Variants in CFAP46 observed in about 807,000 individuals in gnomAD.
The protein encoded by CFAP46 is cilia and flagella associated protein 46.
Under a neutral mutation model 325.7 loss-of-function variants are expected in CFAP46, and 245 were observed. The ratio of observed to expected loss-of-function variants is 0.75; its 90% CI spans 0.68 to 0.84. The LOEUF (loss-of-function observed/expected upper bound fraction) is 0.84, where lower values mean the gene tolerates loss of function less well. Among genes scored for constraint, CFAP46 ranks in the 40% least tolerant of loss-of-function variants. The probability of loss-of-function intolerance (pLI) is 0.00; values close to 1 mark genes in which losing one functional copy is unlikely to be tolerated. For missense variants in CFAP46, 3,346 were observed against 3,543.0 expected (o/e 0.94, Z 1.41); for synonymous variants, 1,523 against 1,495.9 (o/e 1.02, Z -0.42).
intron 39 of CFAP46, among the ~76,000 whole-genome samples, chr10:132,853,201 T>A (rs145124020): frequency 6.6e-6 from 1 of 152,218 alleles, no homozygotes; most frequent in East Asian, 1.9e-4. Flanking sequence ...TAGATGTCCT[T>A]TATCAGGTTG....
intron 32 of CFAP46, among the ~76,000 whole-genome samples, chr10:132,871,768 A>AC (rs1848898251): frequency 6.6e-6 from 1 of 152,340 alleles, no homozygotes; most frequent in South Asian, 2.1e-4. Context: ...GATGCTGTGA[A>AC]CACTGTGGAA....
At position 132,815,951 on chromosome 10, in the gene CFAP46, ACATGATCTGTTTCTTGAC is replaced by A. The variant is rs1847685435; in HGVS notation, c.7118-1055_7118-1038del. ...TACTGGGGAGATTTATCTAACACTG[ACATGATCTGTTTCTTGAC>A]AGTCTGGCAGAATTCAGTGAAAACA... On this transcript the variant is annotated intron_variant, in intron 50 of 57. Coordinates refer to ENST00000368586, the MANE Select transcript of CFAP46 (RefSeq NM_001200049.3). 5.9e-5 allele frequency among the ~76,000 whole-genome samples: 9 copies of A among 152,356 alleles called. No individual in the cohort carries two copies. The South Asian group carries it at 1.9e-3, about 32-fold the overall frequency.
At chr10:132,812,972 G>A in intron 54 of CFAP46, 75 bp from the exon 55 acceptor site, 1 of 1,170,560 alleles carries the variant, frequency 8.5e-7, no homozygotes, top group Non-Finnish European at 1.2e-6. Context: ...TCTTAAAGCA[G>A]GCCACATCCT....
In CFAP46 at chr10:132,885,928, C is replaced by G. The variant is rs775563797; in HGVS notation, c.3336G>C (p.Ala1112=). ...GAEDDLALRA[A]LYGLLFHSHA... ...GGCTGTGGAAGAGCAGGCCGTAGAG[C>G]GCAGCACGGAGCGCCAGGTCGTCCT... Residue 1112 remains alanine, a synonymous_variant, in exon 26 of 58, where the codon GCG becomes GCC. Transcript: ENST00000368586. The G allele has an allele frequency of 2.7e-5, 42 of 1,550,116 alleles. No homozygotes were observed. The highest frequency in any genetic ancestry group is 3.5e-5 in the Non-Finnish European group (40 of 1,146,846).
chr10:132,861,284 G>A (rs150670271), intron 35 of CFAP46, among the ~76,000 whole-genome samples: 150 of 152,274 alleles, frequency 9.9e-4, no homozygotes, highest in African/African-American at 3.0e-3. Context: ...GCTGCAGCGC[G>A]CATGACTGTA....
At chr10:132,858,948 G>A in intron 38 of CFAP46, 123 bp downstream of exon 38, 2 of 979,802 alleles carry the variant, frequency 2.0e-6, no homozygotes, top group Non-Finnish European at 3.0e-6. Context: ...CCAGGGGAGG[G>A]TCCTGTGGAC....
chr10:132,915,562 C>T (rs569108478), intron 17 of CFAP46, among the ~76,000 whole-genome samples: 62 of 151,824 alleles, frequency 4.1e-4, no homozygotes, highest in African/African-American at 1.4e-3. Flanking sequence ...GGGCGCCGTG[C>T]CCAGCTTCTG....
intron 7 of CFAP46, among the ~76,000 whole-genome samples, chr10:132,935,975 CAT>C (rs1564806349): frequency 4.0e-5 from 3 of 74,302 alleles, no homozygotes; most frequent in Non-Finnish European, 5.7e-5. Flanking sequence ...ACTCCCCTCA[CAT>C]CCAAACACAC....
At chr10:132,858,179 C>T (rs1052746323) in intron 38 of CFAP46, among the ~76,000 whole-genome samples, 1 of 151,862 alleles carries the variant, frequency 6.6e-6, no homozygotes, top group South Asian at 2.1e-4. Context: ...TCTACACGCC[C>T]GCACTGGGCC....
At chr10:132,927,256 C>T (rs1316705285) in intron 9 of CFAP46, among the ~76,000 whole-genome samples, 3 of 152,234 alleles carry the variant, frequency 2.0e-5, no homozygotes, top group Non-Finnish European at 2.9e-5. Context: ...TGAGCGCAGG[C>T]GCTGATGATG....
intron 32 of CFAP46, chr10:132,872,446 A>G (rs1240059300): frequency 3.8e-6 from 2 of 522,346 alleles, no homozygotes; most frequent in African/African-American, 1.9e-5. Flanking sequence ...TTTTGTAGAG[A>G]TGGGGTCTTG....
chr10:132,860,988 G>C lies in CFAP46; in HGVS notation c.4891-6C>G, dbSNP rs930061202. 6.4e-7 allele frequency: 1 copy of C among 1,550,508 alleles called. No homozygotes were observed. Among genetic ancestry groups the C allele is most frequent in the Non-Finnish European group, 8.7e-7 (1 of 1,147,012 alleles). ...GCACAAGGCTCATCCAGCTCCTGAA[G>C]GAGAGAAACTCAGACATGCTTGGGT... is the stretch of plus-strand genomic sequence containing the variant. On this transcript the variant is annotated splice_polypyrimidine_tract_variant and splice_region_variant and intron_variant, in intron 35 of 57. Transcript: ENST00000368586.
chr10:132,851,257 G>A lies in CFAP46; in HGVS notation c.5623C>T (p.Leu1875Phe). The A allele has an allele frequency of 6.2e-7, 1 of 1,614,046 alleles. No homozygotes were observed. The highest frequency in any genetic ancestry group is 8.5e-7 in the Non-Finnish European group (1 of 1,180,048). The change falls in exon 40 of 58, where the codon CTC becomes TTC. Residue 1875 changes from leucine (L) to phenylalanine (F), a missense_variant. Physicochemically the swap from Leu to Phe is conservative, Grantham distance 22. Coordinates refer to ENST00000368586, the MANE Select transcript of CFAP46 (RefSeq NM_001200049.3). ...PLMRKLARLK[L>F]GLVEMALDML... ...TCCAGAGCCATTTCCACGAGGCCGA[G>A]CTTGAGGCGCGCCAGCTTCCTCATC...
chr10:132,916,741 T>C lies in CFAP46; in HGVS notation c.1987-59A>G, dbSNP rs1231260539. On this transcript the variant is annotated intron_variant, in intron 16 of 57. Transcript: ENST00000368586. ...GGCGGAGCACGGGCCCAGCACCAGA[T>C]AGGAAACACACACGCCCTTCCCTCA... 4.3e-6 allele frequency: 6 copies of C among 1,404,242 alleles called. No homozygotes were observed. In the East Asian group the frequency reaches 8.8e-5, roughly 21 times the overall value. 87.0% of individuals were successfully genotyped at this position (1,404,242 alleles called of 1,614,324 possible).
At chr10:132,848,443 G>A in intron 41 of CFAP46, among the ~76,000 whole-genome samples, 1 of 151,988 alleles carries the variant, frequency 6.6e-6, no homozygotes, top group East Asian at 1.9e-4. Context: ...GGGGAGGGAG[G>A]GCAGCAGAGA....
At chr10:132,909,393 CTG>C (rs1457409540) in intron 20 of CFAP46, 149 bp from the exon 21 acceptor site, 10 of 634,690 alleles carry the variant, frequency 1.6e-5, no homozygotes, top group Non-Finnish European at 2.8e-5. Flanking sequence ...GTTTTTGTAA[CTG>C]TTGACCTGCA....
At chr10:132,846,799 C>A in intron 43 of CFAP46, 133 bp downstream of exon 43, 1 of 1,141,334 alleles carries the variant, frequency 8.8e-7, no homozygotes, top group Non-Finnish European at 1.2e-6. Context: ...GGCAGGCTCC[C>A]ACTGCTTAAG....
Position 132,812,806 on chromosome 10 carries a change from A to G in CFAP46, c.7480T>C (p.Leu2494=), listed in dbSNP as rs754588119. The change falls in exon 55 of 58, where the codon TTG becomes CTG. Residue 2494 remains leucine, a synonymous_variant. Coordinates refer to ENST00000368586, the MANE Select transcript of CFAP46 (RefSeq NM_001200049.3). ...TCACCTTGCAAGTTCATGGCGACCA[A>G]TCTCTCCACTAATATATGGGACAGG... The part of the protein sequence containing the change: ...SFLSHILVER[L]VAMNLQECQV... The G allele has an allele frequency of 1.2e-6, 2 of 1,612,286 alleles. No homozygotes were observed. Among genetic ancestry groups the G allele is most frequent in the East Asian group, 4.5e-5 (2 of 44,868 alleles).
Position 132,832,856 on chromosome 10 carries a change from T to G in CFAP46, c.7117+502A>C. On this transcript the variant is annotated intron_variant, in intron 50 of 57. Coordinates refer to ENST00000368586, the MANE Select transcript of CFAP46 (RefSeq NM_001200049.3). This position sits in a 1 kb window ranked among gnomAD's most constrained non-coding sequence, Gnocchi z 4.1. ...TTACTACACATCTGGTCCCCTCCTT[T>G]GAAACAGGTATTTGTGGGGGCAAGA... The G allele has an allele frequency of 2.1e-6, 1 of 468,902 alleles. No individual in the cohort carries two copies. The highest frequency in any genetic ancestry group is 4.4e-6 in the Non-Finnish European group (1 of 225,294). The allele number at this position is 468,902 out of a possible 1,614,324, so 29.0% of individuals were successfully genotyped here.
Sources: gnomAD v4.1 joint callset for allele counts (sites outside exome capture counted in the v4.1 genomes callset) on GRCh38, gnomAD v4.1.1 for gene constraint, Gnocchi (gnomAD v3.1) non-coding constraint, MANE v1.5 for transcripts, NCBI Gene and HGNC (gene_info 2026-07-23, HGNC 2026-07-21) for gene names.